Variants in MPDU1 observed in about 807,000 individuals in gnomAD.
The protein encoded by MPDU1 is mannose-P-dolichol utilization defect 1 protein.
MPDU1 carries 18 observed loss-of-function variants against 27.6 expected under a neutral mutation model. That is an observed-to-expected ratio of 0.65 (90% confidence interval 0.45 to 0.97). The LOEUF is 0.97. MPDU1 is among the 50% of genes least tolerant of loss of function. The pLI is 0.00. For missense variants in MPDU1, 279 were observed against 297.4 expected, an observed-to-expected ratio of 0.94 and a Z score of 0.46; for synonymous variants, 142 against 131.1, an observed-to-expected ratio of 1.08 and a Z score of -0.57.
chr17:7,584,080 G>A, intron 1 of MPDU1, 115 bp downstream of exon 1: 1 of 1,058,796 alleles, frequency 9.4e-7, no homozygotes, highest in South Asian at 1.2e-5. Flanking sequence ...CGAGCTGGAC[G>A]GAAGTCACTT....
At position 7,583,902 on chromosome 17, in the gene MPDU1, G is replaced by T; in HGVS notation, c.40G>T (p.Val14Leu). ...EADGPLKRLL[V>L]PILLPEKCYD... is the part of the protein sequence containing the mutation. ...GGACGGACCGCTTAAACGGCTGCTC[G>T]TGCCGATTCTTTTACCTGAGAAATG... is the stretch of plus-strand genomic sequence containing the variant. The change falls in exon 1 of 7, where the codon GTG becomes TTG. Residue 14 changes from valine (V) to leucine (L), a missense_variant. Coordinates refer to ENST00000250124, the MANE Select transcript of MPDU1 (RefSeq NM_004870.4). 1 of 1,614,200 alleles carries T rather than the reference G, an allele frequency of 6.2e-7. No individual in the cohort carries two copies. The highest frequency in any genetic ancestry group is 8.5e-7 in the Non-Finnish European group (1 of 1,180,052).
At position 7,587,167 on chromosome 17, in the gene MPDU1, C is replaced by T. The variant is rs999384296; in HGVS notation, c.514C>T (p.Gln172Ter). 5 of 1,613,950 alleles carry T rather than the reference C, an allele frequency of 3.1e-6. No individual in the cohort carries two copies. Among genetic ancestry groups the T allele is most frequent in the African/African-American group, 1.3e-5 (1 of 74,890 alleles). Reference sequence around the variant, plus strand: ...GTCTCAACTCCTCCCCTAGCTTCTCCAGGCAGCCACCAACTACCACAACGG... The same window carrying T: ...GTCTCAACTCCTCCCCTAGCTTCTCTAGGCAGCCACCAACTACCACAACGG... Reference protein sequence around the residue: ...VPAVVVGRLLQAATNYHNGHT... With the variant: ...VPAVVVGRLL The change falls in exon 6 of 7, where the codon CAG becomes TAG. Residue 172 changes from glutamine to a stop codon, truncating the protein, a stop_gained. Transcript: ENST00000250124. LOFTEE classifies it high-confidence loss of function.
Position 7,583,965 on chromosome 17 carries a change from G to A in MPDU1, c.103G>A (p.Val35Ile). The A allele has an allele frequency of 6.2e-7, 1 of 1,613,712 alleles. No homozygotes were observed. Among genetic ancestry groups the A allele is most frequent in the South Asian group, 1.1e-5 (1 of 91,086 alleles). ...TTTCGTTCAGTGGGACTTGCTTCAC[G>A]GTGAGTTTTATTCAGCATCCGATCC... The part of the protein sequence containing the change: ...QLFVQWDLLH[V>I]PCLKILLSKG... The change falls in exon 1 of 7, where the codon GTC (valine) becomes ATC (isoleucine). Residue 35 changes from valine to isoleucine, a missense_variant and splice_region_variant. Coordinates refer to ENST00000250124, the MANE Select transcript of MPDU1 (RefSeq NM_004870.4).
Position 7,585,841 on chromosome 17 carries a change from G to C in MPDU1, c.169+44G>C, listed in dbSNP as rs768998417. The C allele has an allele frequency of 2.0e-5, 33 of 1,612,182 alleles. 1 individual carries two copies. The South Asian group carries it at 3.5e-4, about 17-fold the overall frequency. ...TTTCCAGCTGTTGGGTTGGGGTGGA[G>C]GTGCTGAGAGGCCATCAACTGTGTG... On this transcript the variant is annotated intron_variant, in intron 2 of 6. Coordinates refer to ENST00000250124, the MANE Select transcript of MPDU1 (RefSeq NM_004870.4).
At chr17:7,586,553 A>T in intron 3 of MPDU1, 139 bp from the exon 4 acceptor site, 1 of 784,870 alleles carries the variant, frequency 1.3e-6, no homozygotes, top group Non-Finnish European at 2.2e-6. Flanking sequence ...AATGGCCACG[A>T]TTCAGAATGA....
chr17:7,585,840 A>G lies in MPDU1; in HGVS notation c.169+43A>G, dbSNP rs747365644. The stretch of plus-strand genomic sequence containing the variant: ...CTTTCCAGCTGTTGGGTTGGGGTGG[A>G]GGTGCTGAGAGGCCATCAACTGTGT... On this transcript the variant is annotated intron_variant, in intron 2 of 6. Transcript: ENST00000250124. 33 of 1,611,936 alleles carry G rather than the reference A, an allele frequency of 2.0e-5. 1 individual carries two copies. In the South Asian group the frequency reaches 3.5e-4, roughly 17 times the overall value.
chr17:7,583,938 C>T lies in MPDU1; in HGVS notation c.76C>T (p.Leu26Phe). The T allele has an allele frequency of 6.2e-7, 1 of 1,614,212 alleles. No individual in the cohort carries two copies. Among genetic ancestry groups the T allele is most frequent in the Non-Finnish European group, 8.5e-7 (1 of 1,180,048 alleles). Reference sequence around the variant, plus strand: ...TTTACCTGAGAAATGCTACGACCAACTTTTCGTTCAGTGGGACTTGCTTCA... The same window carrying T: ...TTTACCTGAGAAATGCTACGACCAATTTTTCGTTCAGTGGGACTTGCTTCA... ...ILLPEKCYDQ[L>F]FVQWDLLHVP... The change falls in exon 1 of 7, where the codon CTT (leucine) becomes TTT (phenylalanine). Residue 26 changes from leucine to phenylalanine, a missense_variant. Coordinates refer to ENST00000250124, the MANE Select transcript of MPDU1 (RefSeq NM_004870.4).
In MPDU1 at chr17:7,583,885, C is replaced by T. The variant is rs769696421; in HGVS notation, c.23C>T (p.Pro8Leu). The change falls in exon 1 of 7, where the codon CCG (proline) becomes CTG (leucine). Residue 8 changes from proline to leucine, a missense_variant. Pro to Leu is a moderately conservative substitution (Grantham distance 98). Transcript: ENST00000250124. ...AATATGGCGGCCGAGGCGGACGGAC[C>T]GCTTAAACGGCTGCTCGTGCCGATT... MAAEADG[P>L]LKRLLVPILL... 11 of 1,614,058 alleles carry T rather than the reference C, an allele frequency of 6.8e-6. No individual in the cohort carries two copies. The African/African-American group carries it at 8.0e-5, about 12-fold the overall frequency.
chr17:7,585,931 T>G lies in MPDU1; in HGVS notation c.170-15T>G. On this transcript the variant is annotated splice_polypyrimidine_tract_variant and intron_variant, in intron 2 of 6. Transcript: ENST00000250124. ...TGGAGAGTCCTCAGTCCTACTTTTC[T>G]CATCTTTCCCCTAGTAAAGCTGCCC... is the stretch of plus-strand genomic sequence containing the variant. The G allele has an allele frequency of 6.2e-7, 1 of 1,614,206 alleles. No individual in the cohort carries two copies. The highest frequency in any genetic ancestry group is 8.5e-7 in the Non-Finnish European group (1 of 1,180,038).
chr17:7,585,466 G>A (rs998382220), intron 1 of MPDU1, among the ~76,000 whole-genome samples: 1 of 151,972 alleles, frequency 6.6e-6, no homozygotes, highest in Admixed American at 6.6e-5. Context: ...GAACCCAAGA[G>A]GCAGAGGCTG....
At chr17:7,584,127 G>A in intron 1 of MPDU1, 162 bp downstream of exon 1, 1 of 739,538 alleles carries the variant, frequency 1.4e-6, no homozygotes, top group Non-Finnish European at 2.4e-6. Flanking sequence ...TCCTTAGAGG[G>A]AGGACACCAT....
chr17:7,584,078 A>G lies in MPDU1; in HGVS notation c.103+113A>G, dbSNP rs887765046. On this transcript the variant is annotated intron_variant, in intron 1 of 6. Coordinates refer to ENST00000250124, the MANE Select transcript of MPDU1 (RefSeq NM_004870.4). The stretch of plus-strand genomic sequence containing the variant: ...AGTGACTGCCGCCATGCCGAGCTGG[A>G]CGGAAGTCACTTCTGAGAAGGGCGG... The G allele has an allele frequency of 7.5e-6, 8 of 1,068,838 alleles. No homozygotes were observed. In the African/African-American group the frequency reaches 1.1e-4, roughly 15 times the overall value. 66.2% of individuals were successfully genotyped at this position (1,068,838 alleles called of 1,614,324 possible).
upstream of MPDU1, chr17:7,583,725 G>C: frequency 1.1e-6 from 1 of 883,662 alleles, no homozygotes. Flanking sequence ...GTGAGGGTGG[G>C]TAGCGTCAGA....
At position 7,587,577 on chromosome 17, in the gene MPDU1, T is replaced by A; in HGVS notation, c.*26T>A. ...AGCCAGCTACTGGAGTCATTCCGTT[T>A]CCACTCATTCACCCAACCTCAGGGT... On this transcript the variant is annotated 3_prime_UTR_variant, in exon 7 of 7. Coordinates refer to ENST00000250124, the MANE Select transcript of MPDU1 (RefSeq NM_004870.4). The A allele has an allele frequency of 6.2e-7, 1 of 1,613,502 alleles. No individual in the cohort carries two copies. The highest frequency in any genetic ancestry group is 8.5e-7 in the Non-Finnish European group (1 of 1,179,828).
rs778725487 is a variant in MPDU1, at chr17:7,588,186, T to G, written c.*635T>G. 2.7e-6 allele frequency: 2 copies of G among 730,434 alleles called. No homozygotes were observed. Among genetic ancestry groups the G allele is most frequent in the Non-Finnish European group, 5.0e-6 (2 of 398,572 alleles). 45.2% of individuals were successfully genotyped at this position (730,434 alleles called of 1,614,324 possible). Reference sequence around the variant, plus strand: ...AAAGACTGGAGACTCAGTTGAATAATACAAAACTGTTTAATACTACCAAAA... The same window carrying G: ...AAAGACTGGAGACTCAGTTGAATAAGACAAAACTGTTTAATACTACCAAAA... On this transcript the variant is annotated 3_prime_UTR_variant, in exon 7 of 7. Coordinates refer to ENST00000250124, the MANE Select transcript of MPDU1 (RefSeq NM_004870.4).
chr17:7,585,997 T>C lies in MPDU1; in HGVS notation c.221T>C (p.Leu74Ser), dbSNP rs104894589. The change falls in exon 3 of 7, where the codon TTG (leucine) becomes TCG (serine). Residue 74 changes from leucine (L) to serine (S), a missense_variant. Transcript: ENST00000250124. Reference protein sequence around the residue: ...KILGAKSAEGLSLQSVMLELV... With the variant: ...KILGAKSAEGSSLQSVMLELV... ...CTGGGAGCCAAGAGTGCTGAAGGGTTGAGTCTCCAGTCTGTAATGCTGGAG... is the reference window on the plus strand; with the variant it reads ...CTGGGAGCCAAGAGTGCTGAAGGGTCGAGTCTCCAGTCTGTAATGCTGGAG... The C allele has an allele frequency of 3.7e-6, 6 of 1,614,142 alleles. No homozygotes were observed. Among genetic ancestry groups the C allele is most frequent in the Non-Finnish European group, 4.2e-6 (5 of 1,180,014 alleles).
At chr17:7,584,281 C>G in intron 1 of MPDU1, 1 of 577,630 alleles carries the variant, frequency 1.7e-6, no homozygotes, top group Non-Finnish European at 3.1e-6. Flanking sequence ...AGATCGCTAG[C>G]AGGGTTAAAC....
rs2071575361 is a variant in MPDU1 at position 7,585,932 on chromosome 17, C to T, written c.170-14C>T. On this transcript the variant is annotated splice_polypyrimidine_tract_variant and intron_variant, in intron 2 of 6. Coordinates refer to ENST00000250124, the MANE Select transcript of MPDU1 (RefSeq NM_004870.4). ...GGAGAGTCCTCAGTCCTACTTTTCT[C>T]ATCTTTCCCCTAGTAAAGCTGCCCC... is the stretch of plus-strand genomic sequence containing the variant. 1.9e-6 allele frequency: 3 copies of T among 1,614,140 alleles called. No homozygotes were observed. Among genetic ancestry groups the T allele is most frequent in the Non-Finnish European group, 1.7e-6 (2 of 1,180,018 alleles).
At position 7,585,988 on chromosome 17, in the gene MPDU1, C is replaced by T. The variant is rs747197315; in HGVS notation, c.212C>T (p.Ala71Val). Residue 71 changes from alanine (A) to valine (V), a missense_variant, in exon 3 of 7, where the codon GCT (alanine) becomes GTT (valine). Physicochemically the swap from Ala to Val is moderately conservative, Grantham distance 64. Coordinates refer to ENST00000250124, the MANE Select transcript of MPDU1 (RefSeq NM_004870.4). ...QVFKILGAKS[A>V]EGLSLQSVML... ...TTTAAAATCCTGGGAGCCAAGAGTG[C>T]TGAAGGGTTGAGTCTCCAGTCTGTA... 1 of 1,614,102 alleles carries T rather than the reference C, an allele frequency of 6.2e-7. No individual in the cohort carries two copies. Among genetic ancestry groups the T allele is most frequent in the South Asian group, 1.1e-5 (1 of 91,080 alleles).
Sources: gnomAD v4.1 joint callset for allele counts (sites outside exome capture counted in the v4.1 genomes callset) on GRCh38, gnomAD v4.1.1 for gene constraint, MANE v1.5 for transcripts, NCBI Gene and HGNC (gene_info 2026-07-23, HGNC 2026-07-21) for gene names.